Variants in GALC observed in about 807,000 individuals in gnomAD.
GALC encodes galactosylceramidase, also known as galactocerebrosidase.
A neutral mutation model predicts 91.8 loss-of-function variants in GALC; 77 were observed. That is an observed-to-expected ratio of 0.84 (90% CI 0.70 to 1.01). GALC has a LOEUF of 1.01. Ranked by LOEUF, GALC falls within the 50% of genes least tolerant of loss-of-function variation. The pLI is 0.00. For synonymous variants in GALC, 357 were observed against 306.7 expected, an observed-to-expected ratio of 1.16 and a Z score of -1.71; for missense variants, 882 against 855.9, an observed-to-expected ratio of 1.03 and a Z score of -0.38.
At chr14:87,970,618 T>C (rs1005195832) in intron 7 of GALC, among the ~76,000 whole-genome samples, 2 of 151,380 alleles carry the variant, frequency 1.3e-5, no homozygotes, top group Non-Finnish European at 2.9e-5. Flanking sequence ...AAATTTTTAT[T>C]GGGAGGCCAA....
chr14:87,968,233 C>A, intron 8 of GALC, 102 bp downstream of exon 8: 1 of 956,868 alleles, frequency 1.0e-6, no homozygotes, highest in Non-Finnish European at 1.6e-6. Context: ...TGTTTACAAT[C>A]ATTGAATCTA....
chr14:87,954,473 C>A (rs1389523956), intron 10 of GALC: 3 of 1,581,562 alleles, frequency 1.9e-6, no homozygotes, highest in Non-Finnish European at 2.6e-6. Context: ...ATTTAAATAT[C>A]TTTTTGTTCA....
chr14:87,935,045 C>A (rs1452321974), intron 16 of GALC, among the ~76,000 whole-genome samples, 167 bp from the exon 17 acceptor site: 1 of 151,978 alleles, frequency 6.6e-6, no homozygotes, highest in Non-Finnish European at 1.5e-5. Context: ...GTTTAAAATA[C>A]AGGAAAAAAC....
intron 5 of GALC, among the ~76,000 whole-genome samples, chr14:87,983,708 T>C (rs1386757923): frequency 6.6e-6 from 1 of 152,200 alleles, no homozygotes; most frequent in Non-Finnish European, 1.5e-5. Context: ...CGATGCAGCC[T>C]GGGGCATGCC....
At chr14:87,952,967 G>A in intron 10 of GALC, 1 of 937,072 alleles carries the variant, frequency 1.1e-6, no homozygotes, top group Non-Finnish European at 1.7e-6. Context: ...TCTGTGGTCA[G>A]AACTTTCACT....
rs60680373 is a variant in GALC, at chr14:87,936,914, T to TATATATATATAAA, written c.1912-2037_1912-2036insTTTATATATATAT. On this transcript the variant is annotated intron_variant, in intron 16 of 16. Coordinates refer to ENST00000261304, the MANE Select transcript of GALC (RefSeq NM_000153.4). ...TCAGGTACTATATATATATATATAT[T>TATATATATATAAA]TATTTATTTTCTCATTGAATCTTCA... Among the ~76,000 whole-genome samples, 5 of 105,662 alleles carry TATATATATATAAA rather than the reference T, an allele frequency of 4.7e-5. 1 individual carries two copies. In the Admixed American group the frequency reaches 5.3e-4, roughly 11 times the overall value. The allele number at this position is 105,662 out of a possible 152,430, so 69.3% of individuals were successfully genotyped here.
chr14:87,966,557 CAAAGTAG>C (rs1286574850), intron 8 of GALC, among the ~76,000 whole-genome samples: 1 of 152,146 alleles, frequency 6.6e-6, no homozygotes, highest in African/African-American at 2.4e-5. Flanking sequence ...TCTATCAGTA[CAAAGTAG>C]AAATAATAGT....
intron 10 of GALC, chr14:87,954,792 C>G (rs2269314): frequency 1.9e-6 from 3 of 1,600,526 alleles, no homozygotes; most frequent in East Asian, 4.5e-5. Context: ...ATACTGGCTG[C>G]GCAAAATATG....
At chr14:87,942,843 C>A (rs1042760328) in intron 14 of GALC, among the ~76,000 whole-genome samples, 3 of 151,984 alleles carry the variant, frequency 2.0e-5, no homozygotes, top group African/African-American at 4.8e-5. Flanking sequence ...CTAAGTAACT[C>A]AAGCCCAGTC....
chr14:87,936,864 T>G (rs1356368859), intron 16 of GALC, among the ~76,000 whole-genome samples: 1 of 132,814 alleles, frequency 7.5e-6, no homozygotes, highest in South Asian at 2.5e-4. Context: ...AATATTAACT[T>G]GACTCATTAA....
chr14:87,986,959 T>C, intron 3 of GALC: 1 of 442,716 alleles, frequency 2.3e-6, no homozygotes, highest in Non-Finnish European at 4.4e-6. Context: ...CAACTTTAAG[T>C]TCTGATTACC....
Position 87,966,051 on chromosome 14 carries a change from T to C in GALC, c.909-422A>G, listed in dbSNP as rs1334883651. ...GACATAATTTTTATGAACTTGACTCTGAACTGTTCCAAAGTTTTACAATTG... is the reference window on the plus strand; with the variant it reads ...GACATAATTTTTATGAACTTGACTCCGAACTGTTCCAAAGTTTTACAATTG... On this transcript the variant is annotated intron_variant, in intron 8 of 16. Transcript: ENST00000261304. 2.6e-5 allele frequency among the ~76,000 whole-genome samples: 4 copies of C among 152,198 alleles called. No homozygotes were observed. In the South Asian group the frequency reaches 6.2e-4, roughly 24 times the overall value.
chr14:87,963,225 A>G lies in GALC; in HGVS notation c.1161+159T>C. ...ATCAGTGAGTTGTGTGCTATGTTTT[A>G]CGACTCATGGCTAAAATTTTTTAAA... On this transcript the variant is annotated intron_variant, in intron 10 of 16. Coordinates refer to ENST00000261304, the MANE Select transcript of GALC (RefSeq NM_000153.4). 4 of 675,688 alleles carry G rather than the reference A, an allele frequency of 5.9e-6. No individual in the cohort carries two copies. The South Asian group carries it at 6.9e-5, about 12-fold the overall frequency. The allele number at this position is 675,688 out of a possible 1,614,324, so 41.9% of individuals were successfully genotyped here. A position where few individuals can be genotyped will look rare whatever the true frequency, so the allele number is the denominator to read the frequency against.
intron 3 of GALC, chr14:87,987,917 C>A: frequency 1.9e-6 from 1 of 534,866 alleles, no homozygotes; most frequent in Non-Finnish European, 3.3e-6. Flanking sequence ...CCGATTACTT[C>A]AACTAAATAA....
At chr14:87,993,187 C>A, upstream of GALC, 1 of 1,572,368 alleles carries the variant, frequency 6.4e-7, no homozygotes. Context: ...ATGACTCCGG[C>A]GCCCAGGGAG....
At chr14:87,967,503 A>G (rs1886105869) in intron 8 of GALC, among the ~76,000 whole-genome samples, 1 of 152,150 alleles carries the variant, frequency 6.6e-6, no homozygotes, top group Admixed American at 6.6e-5. Flanking sequence ...CAACAAATAC[A>G]TAAATATTGG....
intron 10 of GALC, chr14:87,954,513 C>A: frequency 6.4e-7 from 1 of 1,559,814 alleles, no homozygotes; most frequent in Non-Finnish European, 8.7e-7. Flanking sequence ...AACCTAAAAT[C>A]GCATACAATG....
chr14:87,992,583 C>T (rs1887250835), intron 1 of GALC: 17 of 1,466,138 alleles, frequency 1.2e-5, no homozygotes, highest in Non-Finnish European at 1.4e-5. Context: ...CGCTCCCGCA[C>T]TCCCTGGCCC....
chr14:87,992,677 G>T, intron 1 of GALC: 1 of 1,437,710 alleles, frequency 7.0e-7, no homozygotes, highest in Non-Finnish European at 9.1e-7. Flanking sequence ...TTCCAGCCCC[G>T]GCTACTTCAC....
Sources: allele counts gnomAD v4.1 joint callset (sites outside exome capture counted in the v4.1 genomes callset), GRCh38; gene constraint gnomAD v4.1.1; transcripts MANE v1.5; gene names NCBI Gene and HGNC (gene_info 2026-07-23, HGNC 2026-07-21).